Variants in SYT9 observed in about 807,000 individuals in gnomAD.
SYT9 encodes the protein synaptotagmin-9.
In SYT9, 22 loss-of-function variants were observed where a neutral mutation model predicts 48.4. The ratio of observed to expected loss-of-function variants is 0.45; its 90% CI spans 0.32 to 0.65. The LOEUF (loss-of-function observed/expected upper bound fraction) is 0.65. Ranked by LOEUF, SYT9 falls within the 30% of genes least tolerant of loss-of-function variation. SYT9 has a pLI of 0.03. For synonymous variants in SYT9, 265 were observed against 245.0 expected, an observed-to-expected ratio of 1.08 and a Z score of -0.76; for missense variants, 577 against 622.0, an observed-to-expected ratio of 0.93 and a Z score of 0.77.
chr11:7,387,641 TA>T (rs1470140994), intron 3 of SYT9, among the ~76,000 whole-genome samples: 1 of 152,112 alleles, frequency 6.6e-6, no homozygotes, highest in Non-Finnish European at 1.5e-5. Flanking sequence ...TAACATTAAT[TA>T]AAAAGCTTTC....
At chr11:7,347,576 T>G (rs1362588224) in intron 3 of SYT9, among the ~76,000 whole-genome samples, 1 of 152,164 alleles carries the variant, frequency 6.6e-6, no homozygotes, top group Non-Finnish European at 1.5e-5. Flanking sequence ...CATATGCAGC[T>G]TCAGGGATCT....
rs552804054 is a variant in SYT9 at position 7,245,620 on chromosome 11, T to A, written c.49+6704T>A. Among the ~76,000 whole-genome samples the A allele has an allele frequency of 5.9e-5, 9 of 152,300 alleles. No homozygotes were observed. In the East Asian group the frequency reaches 1.7e-3, roughly 29 times the overall value. ...ATTTAAAAAGAAAAAACATTTATTG[T>A]CTTATAATTCTGGAGTCTGGGAAGT... On this transcript the variant is annotated intron_variant and NMD_transcript_variant, in intron 1 of 8. Coordinates refer to the SYT9 transcript ENST00000524820.
At chr11:7,306,831 G>C (rs930920464) in intron 2 of SYT9, among the ~76,000 whole-genome samples, 1 of 152,042 alleles carries the variant, frequency 6.6e-6, no homozygotes, top group African/African-American at 2.4e-5. Context: ...ATTCTTTATT[G>C]CTTGTACTCC....
At chr11:7,248,099 G>C (rs1847817266), upstream of SYT9, among the ~76,000 whole-genome samples, 1 of 152,042 alleles carries the variant, frequency 6.6e-6, no homozygotes, top group African/African-American at 2.4e-5. Flanking sequence ...ATTTTTTCAT[G>C]TTTGTTGGCC....
chr11:7,367,400 T>C (rs1040459414), intron 3 of SYT9, among the ~76,000 whole-genome samples: 1 of 152,018 alleles, frequency 6.6e-6, no homozygotes, highest in Non-Finnish European at 1.5e-5. Flanking sequence ...ACCATCTTTA[T>C]AGCTGCTTTC....
chr11:7,246,896 C>A (rs188551636), intron 1 of SYT9, among the ~76,000 whole-genome samples: 4 of 152,260 alleles, frequency 2.6e-5, no homozygotes. Flanking sequence ...TCTTCCAGGG[C>A]TACTGTAACA....
At chr11:7,239,302 C>G (rs1847716336) in intron 1 of SYT9, among the ~76,000 whole-genome samples, 1 of 152,154 alleles carries the variant, frequency 6.6e-6, no homozygotes, top group African/African-American at 2.4e-5. Flanking sequence ...CTAGAGCACT[C>G]AAGCCTGGGT....
chr11:7,334,817 A>G (rs1023531833), intron 3 of SYT9, among the ~76,000 whole-genome samples: 4 of 152,192 alleles, frequency 2.6e-5, no homozygotes, highest in African/African-American at 9.6e-5. Flanking sequence ...TAATAATTCA[A>G]TCTTTTTATT....
chr11:7,309,718 C>G (rs148175535), intron 2 of SYT9, among the ~76,000 whole-genome samples: 10 of 152,288 alleles, frequency 6.6e-5, no homozygotes, highest in Non-Finnish European at 8.8e-5. Context: ...TCCTCCACCC[C>G]CTCTTCTCCT....
chr11:7,265,089 A>G (rs1848153686), intron 1 of SYT9, among the ~76,000 whole-genome samples: 1 of 152,146 alleles, frequency 6.6e-6, no homozygotes, highest in African/African-American at 2.4e-5. Flanking sequence ...TTAAGAGATA[A>G]AATAATTAGT....
chr11:7,306,076 C>G (rs949355147), intron 2 of SYT9, among the ~76,000 whole-genome samples: 2 of 152,122 alleles, frequency 1.3e-5, no homozygotes, highest in Non-Finnish European at 2.9e-5. Context: ...ACTATTAGTA[C>G]CATCCAAAAT....
In SYT9 at chr11:7,273,974, A is replaced by G. The variant is rs541147907; in HGVS notation, c.145+21643A>G. 1.1e-3 allele frequency among the ~76,000 whole-genome samples: 163 copies of G among 152,288 alleles called. 2 individuals carry two copies. Among genetic ancestry groups the G allele is most frequent in the African/African-American group, 3.8e-3 (160 of 41,570 alleles). On this transcript the variant is annotated intron_variant, in intron 1 of 6. Coordinates refer to ENST00000318881, the MANE Select transcript of SYT9 (RefSeq NM_175733.4). ...ATGTAGGGCTTAAAACCTAGATGACAGGTTGATAGGTGCAGCAAACCACCA... is the reference window on the plus strand; with the variant it reads ...ATGTAGGGCTTAAAACCTAGATGACGGGTTGATAGGTGCAGCAAACCACCA...
chr11:7,450,079 G>A (rs542129758), intron 6 of SYT9, among the ~76,000 whole-genome samples: 2 of 152,154 alleles, frequency 1.3e-5, no homozygotes. Context: ...CCAGACCACT[G>A]TGCTCAGTGC....
chr11:7,261,652 A>G (rs1848081408), intron 1 of SYT9, among the ~76,000 whole-genome samples: 1 of 152,156 alleles, frequency 6.6e-6, no homozygotes, highest in Admixed American at 6.5e-5. Flanking sequence ...TGAGAAGTTG[A>G]CAAATGAGTA....
chr11:7,426,526 C>T (rs996979195), intron 6 of SYT9, among the ~76,000 whole-genome samples: 29 of 152,134 alleles, frequency 1.9e-4, no homozygotes, highest in African/African-American at 6.8e-4. Flanking sequence ...ACAAGGGAGC[C>T]ACAGGAGACT....
chr11:7,299,380 T>G (rs912668539), intron 1 of SYT9, among the ~76,000 whole-genome samples: 21 of 152,292 alleles, frequency 1.4e-4, no homozygotes, highest in Admixed American at 9.8e-4. Flanking sequence ...TAAACAGAAG[T>G]CTAGACAATT....
chr11:7,285,261 G>T (rs1281248274), intron 1 of SYT9, among the ~76,000 whole-genome samples: 1 of 152,188 alleles, frequency 6.6e-6, no homozygotes. Context: ...GTTCCACAGG[G>T]CTGGGGAGGC....
At chr11:7,348,644 C>A (rs4525211) in intron 3 of SYT9, among the ~76,000 whole-genome samples, 1 of 141,368 alleles carries the variant, frequency 7.1e-6, no homozygotes, top group African/African-American at 2.6e-5. Context: ...CTCAGGCTAT[C>A]TTTAGCATTT....
chr11:7,301,156 G>C (rs915673528), intron 1 of SYT9, among the ~76,000 whole-genome samples: 1 of 152,134 alleles, frequency 6.6e-6, no homozygotes, highest in Non-Finnish European at 1.5e-5. Flanking sequence ...ATTTCTGCGG[G>C]ATTTGAGGAG....
Sources: gnomAD v4.1 joint callset for allele counts (sites outside exome capture counted in the v4.1 genomes callset) on GRCh38, gnomAD v4.1.1 for gene constraint, MANE v1.5 for transcripts, NCBI Gene and HGNC (gene_info 2026-07-23, HGNC 2026-07-21) for gene names.